Variants in PLCH1 observed in about 807,000 individuals in gnomAD.
The protein encoded by PLCH1 is phospholipase C eta 1.
In PLCH1, 60 loss-of-function variants were observed where a neutral mutation model predicts 126.7. The ratio of observed to expected loss-of-function variants is 0.47; its 90% CI spans 0.38 to 0.59. The LOEUF is 0.59. Ranked by LOEUF, PLCH1 falls within the 20% of genes least tolerant of loss-of-function variation. The pLI is 0.00. For synonymous variants in PLCH1, 719 were observed against 734.9 expected, an observed-to-expected ratio of 0.98 and a Z score of 0.35; for missense variants, 1,723 against 2,040.0, an observed-to-expected ratio of 0.84 and a Z score of 2.99.
intron 1 of PLCH1, among the ~76,000 whole-genome samples, chr3:155,732,164 A>C (rs1482266996): frequency 6.6e-6 from 1 of 152,114 alleles, no homozygotes; most frequent in East Asian, 1.9e-4. Flanking sequence ...ATAATTCAAA[A>C]AAATTAGGAA....
chr3:155,621,143 A>C (rs568147112), intron 2 of PLCH1, among the ~76,000 whole-genome samples: 1 of 152,300 alleles, frequency 6.6e-6, no homozygotes, highest in Non-Finnish European at 1.5e-5. Flanking sequence ...ACCTCCAGCA[A>C]ACTCCAGCAG....
chr3:155,657,834 A>AGTGAAAAAGGGTAAGTCAAG (rs1353594992), intron 2 of PLCH1: 6 of 152,226 alleles, frequency 3.9e-5, no homozygotes, highest in South Asian at 2.1e-4. Context: ...CTAGTGGCAA[A>AGTGAAAAAGGGTAAGTCAAG]GTGAAAAAGG....
At chr3:155,632,762 A>C (rs1403387876) in intron 2 of PLCH1, among the ~76,000 whole-genome samples, 37 of 152,216 alleles carry the variant, frequency 2.4e-4, no homozygotes, top group Admixed American at 2.4e-3. Flanking sequence ...GATGGTCTGC[A>C]CATGATCTGT....
intron 2 of PLCH1, among the ~76,000 whole-genome samples, chr3:155,598,940 A>C (rs1253167900): frequency 6.6e-6 from 1 of 151,942 alleles, no homozygotes; most frequent in East Asian, 1.9e-4. Flanking sequence ...GTAATTAGAA[A>C]CAGATGAGGT....
At chr3:155,635,335 T>C (rs1738591314) in intron 2 of PLCH1, among the ~76,000 whole-genome samples, 1 of 152,110 alleles carries the variant, frequency 6.6e-6, no homozygotes, top group Admixed American at 6.5e-5. Flanking sequence ...CATCTGGACA[T>C]TTCAGTAAAC....
At position 155,481,878 on chromosome 3, in the gene PLCH1, T is replaced by C; in HGVS notation, c.4148A>G (p.Lys1383Arg). Residue 1383 changes from lysine to arginine, a missense_variant, in exon 23 of 23, where the codon AAG becomes AGG. By Grantham distance (26) the Lys-to-Arg change is conservative (BLOSUM62 2). Transcript: ENST00000460012. The surrounding 1 kb of genome is among the most constrained non-coding windows in gnomAD (Gnocchi z 4.2). ...TSQLASPLKL[K>R]YNQGVVEHFQ... is the part of the protein sequence containing the mutation. ...GTGTTCTACCACACCCTGATTGTAC[T>C]TGAGTTTTAAAGGAGAAGCAAGTTG... 6.2e-7 allele frequency: 1 copy of C among 1,614,182 alleles called. No homozygotes were observed. Among genetic ancestry groups the C allele is most frequent in the Non-Finnish European group, 8.5e-7 (1 of 1,180,032 alleles).
intron 2 of PLCH1, among the ~76,000 whole-genome samples, chr3:155,667,464 CT>C: frequency 6.6e-6 from 1 of 151,734 alleles, no homozygotes; most frequent in Non-Finnish European, 1.5e-5. Flanking sequence ...GGAATGTAAC[CT>C]TAGAATAGTG....
intron 13 of PLCH1, among the ~76,000 whole-genome samples, chr3:155,504,045 T>C (rs1718301278): frequency 6.6e-6 from 1 of 152,248 alleles, no homozygotes; most frequent in Non-Finnish European, 1.5e-5. Context: ...CGGGCATATA[T>C]GGAATCACAT....
chr3:155,627,474 C>CA (rs10548265), intron 2 of PLCH1, among the ~76,000 whole-genome samples: 6 of 150,080 alleles, frequency 4.0e-5, no homozygotes, highest in African/African-American at 9.7e-5. Context: ...ACCAAAAATA[C>CA]AAAAAAAAAA....
chr3:155,723,006 A>T (rs1209779316), intron 1 of PLCH1, among the ~76,000 whole-genome samples: 1 of 151,986 alleles, frequency 6.6e-6, no homozygotes, highest in Admixed American at 6.6e-5. Context: ...GCTATTTGTT[A>T]TTGGTCTGTT....
chr3:155,525,689 T>A (rs1048375991), intron 10 of PLCH1, among the ~76,000 whole-genome samples: 1 of 152,040 alleles, frequency 6.6e-6, no homozygotes, highest in African/African-American at 2.4e-5. Flanking sequence ...CTTGAGCACC[T>A]CCCCCAGGAC....
At chr3:155,646,330 C>T (rs768339878) in intron 2 of PLCH1, among the ~76,000 whole-genome samples, 8 of 152,222 alleles carry the variant, frequency 5.3e-5, no homozygotes, top group African/African-American at 1.9e-4. Flanking sequence ...TCCTGAACTT[C>T]GCCCCCTCTG....
chr3:155,542,488 T>C (rs531493), intron 10 of PLCH1, among the ~76,000 whole-genome samples: 123,690 of 151,978 alleles, frequency 0.81, 52,118 homozygotes, highest in Middle Eastern at 0.95. Flanking sequence ...CAGCAGTAAC[T>C]TCTGCAGACT....
chr3:155,602,285 T>G (rs997458298), intron 2 of PLCH1, among the ~76,000 whole-genome samples: 1 of 152,172 alleles, frequency 6.6e-6, no homozygotes, highest in African/African-American at 2.4e-5. Context: ...TACAAATACC[T>G]GCTTATCATT....
chr3:155,558,944 G>A (rs1727193383), intron 8 of PLCH1, among the ~76,000 whole-genome samples: 1 of 152,084 alleles, frequency 6.6e-6, no homozygotes, highest in Non-Finnish European at 1.5e-5. Context: ...CAAATGCTAA[G>A]CCTTCAGGAA....
chr3:155,712,549 T>C (rs913317079), intron 1 of PLCH1, among the ~76,000 whole-genome samples: 13 of 143,754 alleles, frequency 9.0e-5, no homozygotes, highest in African/African-American at 3.5e-4. Context: ...AATACTGTGC[T>C]AAAAAGAAAA....
intron 10 of PLCH1, among the ~76,000 whole-genome samples, chr3:155,526,106 G>T (rs1721858763): frequency 6.6e-6 from 1 of 152,142 alleles, no homozygotes; most frequent in South Asian, 2.1e-4. Flanking sequence ...TCAGAGGGTG[G>T]GAGGTGGAAC....
intron 2 of PLCH1, among the ~76,000 whole-genome samples, chr3:155,669,096 C>A (rs1559918462): frequency 1.3e-5 from 2 of 151,652 alleles, no homozygotes; most frequent in Non-Finnish European, 2.9e-5. Flanking sequence ...AAAATATCAA[C>A]CACAGTTATG....
chr3:155,732,610 G>A (rs1748853042), intron 1 of PLCH1, among the ~76,000 whole-genome samples: 1 of 152,014 alleles, frequency 6.6e-6, no homozygotes, highest in South Asian at 2.1e-4. Context: ...GGGTATGGTG[G>A]TTCATGACTG....
Sources: gnomAD v4.1 joint callset for allele counts (sites outside exome capture counted in the v4.1 genomes callset) on GRCh38, gnomAD v4.1.1 for gene constraint, Gnocchi (gnomAD v3.1) non-coding constraint, MANE v1.5 for transcripts, NCBI Gene and HGNC (gene_info 2026-07-23, HGNC 2026-07-21) for gene names.